PLGRKT: variants seen among roughly 807,000 people sequenced by gnomAD.
PLGRKT encodes plasminogen receptor (KT).
A neutral mutation model predicts 18.5 loss-of-function variants in PLGRKT; 22 were observed. The ratio of observed to expected loss-of-function variants is 1.19; its 90% CI spans 0.85 to 1.70. PLGRKT has a LOEUF of 1.70. Among genes scored for constraint, PLGRKT ranks in the 40% most tolerant of loss-of-function variants. The probability of loss-of-function intolerance (pLI) is 0.00; values close to 1 mark genes in which losing one functional copy is unlikely to be tolerated. For synonymous variants in PLGRKT, 72 were observed against 52.8 expected (o/e 1.36, Z -1.58); for missense variants, 235 against 174.4 (o/e 1.35, Z -1.96).
chr9:5,358,121 A>T lies in PLGRKT; in HGVS notation c.*118T>A, dbSNP rs1311349730. 6 of 684,982 alleles carry T rather than the reference A, an allele frequency of 8.8e-6. No homozygotes were observed. Among genetic ancestry groups the T allele is most frequent in the Non-Finnish European group, 1.4e-5 (6 of 427,966 alleles). The allele number at this position is 684,982 out of a possible 1,614,324, so 42.4% of individuals were successfully genotyped here. ...TTAAAATAGCTCAAAACTATCTTGC[A>T]TTTTAATATTTTAAAATAAAATCTA... On this transcript the variant is annotated 3_prime_UTR_variant, in exon 6 of 6. Coordinates refer to ENST00000223864, the MANE Select transcript of PLGRKT (RefSeq NM_018465.4).
Position 5,429,284 on chromosome 9 carries a change from G to GT in PLGRKT, c.81+2612_81+2613insA, listed in dbSNP as rs531718706. Among the ~76,000 whole-genome samples, 451 of 152,284 alleles carry GT rather than the reference G, an allele frequency of 3.0e-3. 3 individuals carry two copies. Among genetic ancestry groups the GT allele is most frequent in the African/African-American group, 0.01 (426 of 41,556 alleles). ...TAATAGAAACATAGAAGCCCAGGGA[G>GT]GAAAAGAAAATCACTATGAAGCTCC... is the stretch of plus-strand genomic sequence containing the variant. On this transcript the variant is annotated intron_variant, in intron 3 of 5. Transcript: ENST00000223864.
chr9:5,408,164 T>G (rs1818291602), intron 3 of PLGRKT, among the ~76,000 whole-genome samples: 1 of 152,340 alleles, frequency 6.6e-6, no homozygotes, highest in East Asian at 1.9e-4. Flanking sequence ...GCTTTCGAAC[T>G]GTGAAATGGG....
At chr9:5,396,629 A>T (rs1818054754) in intron 3 of PLGRKT, among the ~76,000 whole-genome samples, 1 of 152,020 alleles carries the variant, frequency 6.6e-6, no homozygotes, top group Non-Finnish European at 1.5e-5. Context: ...ATTTTCACAT[A>T]TGAAAAGTTA....
rs551161856 is a variant in PLGRKT, at chr9:5,413,332, AC to A, written c.81+18564del. Among the ~76,000 whole-genome samples the A allele has an allele frequency of 7.2e-5, 11 of 152,340 alleles. No homozygotes were observed. The South Asian group carries it at 2.3e-3, about 32-fold the overall frequency. On this transcript the variant is annotated intron_variant, in intron 3 of 5. Coordinates refer to ENST00000223864, the MANE Select transcript of PLGRKT (RefSeq NM_018465.4). ...TACCTGGGGTGGGCAGAATAATGGG[AC>A]CTCAGAGAAGCCCATGTCTAATCCT...
intron 5 of PLGRKT, among the ~76,000 whole-genome samples, chr9:5,359,392 C>T (rs575018807): frequency 2.2e-4 from 33 of 152,190 alleles, no homozygotes; most frequent in Non-Finnish European, 4.7e-4. Context: ...CCCAACAGAA[C>T]AGACCATAGT....
At chr9:5,388,465 C>G (rs1409790322) in intron 3 of PLGRKT, among the ~76,000 whole-genome samples, 1 of 151,964 alleles carries the variant, frequency 6.6e-6, no homozygotes, top group African/African-American at 2.4e-5. Flanking sequence ...ACATAAAAAT[C>G]TATATAAACT....
chr9:5,369,298 T>C (rs1025533981), intron 3 of PLGRKT, among the ~76,000 whole-genome samples: 7 of 152,144 alleles, frequency 4.6e-5, no homozygotes, highest in East Asian at 1.9e-4. Flanking sequence ...TAGACACTTC[T>C]CAAAAGAAGA....
intron 3 of PLGRKT, among the ~76,000 whole-genome samples, chr9:5,383,457 T>G (rs1403488792): frequency 1.3e-5 from 2 of 152,160 alleles, no homozygotes; most frequent in African/African-American, 2.4e-5. Flanking sequence ...TGGACCAGGT[T>G]GACGGATGGT....
chr9:5,424,652 A>AT (rs61342920), intron 3 of PLGRKT, among the ~76,000 whole-genome samples: 1 of 126,316 alleles, frequency 7.9e-6, no homozygotes, highest in Admixed American at 9.0e-5. Flanking sequence ...CATTATATAT[A>AT]ATATAATTAT....
At chr9:5,413,344 C>G (rs916988449) in intron 3 of PLGRKT, among the ~76,000 whole-genome samples, 2 of 152,170 alleles carry the variant, frequency 1.3e-5, no homozygotes, top group African/African-American at 2.4e-5. Flanking sequence ...CTCAGAGAAG[C>G]CCATGTCTAA....
At chr9:5,430,559 T>C (rs1818803080) in intron 3 of PLGRKT, among the ~76,000 whole-genome samples, 1 of 152,254 alleles carries the variant, frequency 6.6e-6, no homozygotes, top group South Asian at 2.1e-4. Flanking sequence ...GGCATTGTTC[T>C]ATATATTTCA....
At chr9:5,421,115 C>T (rs1563788561) in intron 3 of PLGRKT, among the ~76,000 whole-genome samples, 1 of 152,202 alleles carries the variant, frequency 6.6e-6, no homozygotes, top group Non-Finnish European at 1.5e-5. Context: ...GGGTACAAGG[C>T]TTGAGCGACC....
intron 3 of PLGRKT, among the ~76,000 whole-genome samples, chr9:5,401,340 T>A (rs181871848): frequency 1.3e-5 from 2 of 152,124 alleles, no homozygotes; most frequent in Admixed American, 1.3e-4. Flanking sequence ...GAAAACTGCA[T>A]TAATTTGTTC....
intron 3 of PLGRKT, among the ~76,000 whole-genome samples, chr9:5,398,453 A>G (rs4008401): frequency 3.3e-5 from 5 of 152,126 alleles, no homozygotes; most frequent in Admixed American, 6.5e-5. Flanking sequence ...CCTGGAGGAA[A>G]GAAAACAGAG....
At chr9:5,407,504 G>A (rs751731201) in intron 3 of PLGRKT, among the ~76,000 whole-genome samples, 1 of 152,138 alleles carries the variant, frequency 6.6e-6, no homozygotes, top group African/African-American at 2.4e-5. Flanking sequence ...TTATTGACTA[G>A]CACAGGGCCT....
At chr9:5,385,382 G>A (rs62557756) in intron 3 of PLGRKT, among the ~76,000 whole-genome samples, 6,153 of 151,704 alleles carry the variant, frequency 0.041, 187 homozygotes, top group African/African-American at 0.065. Flanking sequence ...ATTTTTAGTA[G>A]AGACATGGTT....
At chr9:5,371,519 G>A (rs1006537367) in intron 3 of PLGRKT, among the ~76,000 whole-genome samples, 3 of 152,094 alleles carry the variant, frequency 2.0e-5, no homozygotes, top group Non-Finnish European at 2.9e-5. Flanking sequence ...TCTTGCCACC[G>A]CCAGGAAAGA....
At chr9:5,389,486 G>C (rs1817906616) in intron 3 of PLGRKT, among the ~76,000 whole-genome samples, 1 of 151,902 alleles carries the variant, frequency 6.6e-6, no homozygotes, top group Non-Finnish European at 1.5e-5. Context: ...AAAATGCCAT[G>C]TGCTTTGAGG....
At chr9:5,424,014 A>G (rs1818628364) in intron 3 of PLGRKT, among the ~76,000 whole-genome samples, 1 of 137,646 alleles carries the variant, frequency 7.3e-6, no homozygotes, top group South Asian at 2.2e-4. Flanking sequence ...TATTTCATCT[A>G]TTATATATGA....
Sources: gnomAD v4.1 joint callset for allele counts (sites outside exome capture counted in the v4.1 genomes callset) on GRCh38, gnomAD v4.1.1 for gene constraint, MANE v1.5 for transcripts, NCBI Gene and HGNC (gene_info 2026-07-23, HGNC 2026-07-21) for gene names.